SEC31A: variants seen among roughly 807,000 people sequenced by gnomAD.
SEC31A encodes the protein SEC31 homolog A, COPII component, also known as protein transport protein Sec31A.
In SEC31A, 70 loss-of-function variants were observed where a neutral mutation model predicts 151.0. That is an observed-to-expected ratio of 0.46 (90% CI 0.38 to 0.57). The LOEUF is 0.57. Among genes scored for constraint, SEC31A ranks in the 20% least tolerant of loss-of-function variants. SEC31A has a pLI of 0.00. For missense variants in SEC31A, 1,330 were observed against 1,471.2 expected, an observed-to-expected ratio of 0.90 and a Z score of 1.57; for synonymous variants, 475 against 505.9, an observed-to-expected ratio of 0.94 and a Z score of 0.82.
At chr4:82,882,086 TC>T in intron 1 of SEC31A, 146 bp from the exon 2 acceptor site, 1 of 679,530 alleles carries the variant, frequency 1.5e-6, no homozygotes, top group South Asian at 1.8e-5. Context: ...GGTTTAGGTG[TC>T]ATTTGTTGGA....
intron 13 of SEC31A, 103 bp downstream of exon 13, chr4:82,862,431 T>TA (rs1434080921): frequency 6.5e-6 from 5 of 767,102 alleles, no homozygotes; most frequent in Non-Finnish European, 1.1e-5. Context: ...CATTTATTTT[T>TA]ATACCATAAA....
intron 8 of SEC31A, among the ~76,000 whole-genome samples, chr4:82,868,420 G>A (rs1735872153): frequency 6.6e-6 from 1 of 151,910 alleles, no homozygotes; most frequent in Non-Finnish European, 1.5e-5. Flanking sequence ...AGGACTGATG[G>A]AGCCCAAGAG....
chr4:82,833,983 T>C (rs913036361), intron 22 of SEC31A, among the ~76,000 whole-genome samples: 1 of 152,232 alleles, frequency 6.6e-6, no homozygotes, highest in Non-Finnish European at 1.5e-5. Context: ...ATGTTTTTCA[T>C]ACAAGATATA....
intron 22 of SEC31A, among the ~76,000 whole-genome samples, chr4:82,840,486 G>A (rs1309000936): frequency 6.6e-6 from 1 of 152,210 alleles, no homozygotes; most frequent in Non-Finnish European, 1.5e-5. Context: ...TCTTATTTGT[G>A]TAGTTAAGGA....
intron 14 of SEC31A, 154 bp from the exon 15 acceptor site, chr4:82,857,918 C>G: frequency 1.9e-6 from 1 of 527,748 alleles, no homozygotes; most frequent in East Asian, 3.3e-5. Flanking sequence ...CAACTAAGAT[C>G]TATGCCTTCC....
At chr4:82,897,923 C>T (rs756852500) in intron 3 of SEC31A, 1 of 152,186 alleles carries the variant, frequency 6.6e-6, no homozygotes, top group Admixed American at 6.5e-5. Context: ...GGACAATCCT[C>T]CATTTCCAAC....
chr4:82,829,240 T>C, intron 22 of SEC31A, 182 bp from the exon 23 acceptor site: 1 of 556,232 alleles, frequency 1.8e-6, no homozygotes, highest in South Asian at 2.5e-5. Context: ...CATCTCTTAA[T>C]AGGAACAAGG....
intron 3 of SEC31A, among the ~76,000 whole-genome samples, chr4:82,880,136 T>G (rs1317358479): frequency 6.6e-6 from 1 of 151,228 alleles, no homozygotes; most frequent in Non-Finnish European, 1.5e-5. Context: ...TGAGCCGAGA[T>G]TGCGCCATTG....
chr4:82,861,194 A>G (rs996683590), intron 14 of SEC31A, among the ~76,000 whole-genome samples: 6 of 152,206 alleles, frequency 3.9e-5, no homozygotes, highest in Non-Finnish European at 7.4e-5. Context: ...AATCATGACA[A>G]TAAGTTTAGT....
intron 22 of SEC31A, among the ~76,000 whole-genome samples, chr4:82,836,359 T>A (rs1264110814): frequency 3.5e-5 from 4 of 113,806 alleles, no homozygotes. Context: ...GGCAACAGAG[T>A]GAGACTCCAT....
chr4:82,847,792 T>C (rs892526026), intron 20 of SEC31A, among the ~76,000 whole-genome samples: 2 of 152,148 alleles, frequency 1.3e-5, no homozygotes, highest in Non-Finnish European at 2.9e-5. Flanking sequence ...GCCAGAGCAA[T>C]GCCAGGCACT....
Position 82,818,985 on chromosome 4 carries a change from A to C in SEC31A, c.*89T>G. On this transcript the variant is annotated 3_prime_UTR_variant, in exon 27 of 27. Transcript: ENST00000395310. ...TGACTGGTTGCTATGCAAACATGCT[A>C]ATGAGGACTAGTCCATGTCTTATAA... The C allele has an allele frequency of 2.0e-6, 2 of 1,017,874 alleles. No homozygotes were observed. Among genetic ancestry groups the C allele is most frequent in the Non-Finnish European group, 2.8e-6 (2 of 709,424 alleles). 63.1% of individuals were successfully genotyped at this position (1,017,874 alleles called of 1,614,324 possible).
At chr4:82,881,171 G>T (rs1739208504) in intron 2 of SEC31A, among the ~76,000 whole-genome samples, 1 of 152,056 alleles carries the variant, frequency 6.6e-6, no homozygotes, top group Admixed American at 6.6e-5. Flanking sequence ...TGTAAAAATG[G>T]TCCCGTGATG....
intron 22 of SEC31A, among the ~76,000 whole-genome samples, chr4:82,838,126 G>C (rs1010809988): frequency 6.6e-6 from 1 of 152,098 alleles, no homozygotes; most frequent in Non-Finnish European, 1.5e-5. Flanking sequence ...AGTAAGGAAG[G>C]ATATCATGCT....
chr4:82,847,282 T>C (rs963748182), intron 20 of SEC31A, among the ~76,000 whole-genome samples: 1 of 152,154 alleles, frequency 6.6e-6, no homozygotes, highest in Non-Finnish European at 1.5e-5. Context: ...CTCACCCCCT[T>C]GCCTCTGCCT....
chr4:82,827,661 A>AC, intron 23 of SEC31A, 29 bp from the exon 24 acceptor site: 2 of 1,602,724 alleles, frequency 1.2e-6, no homozygotes, highest in Non-Finnish European at 1.7e-6. Context: ...AAAAGACACC[A>AC]GGAGTAAGAA....
At chr4:82,855,917 C>T (rs940262969) in intron 16 of SEC31A, among the ~76,000 whole-genome samples, 6 of 152,118 alleles carry the variant, frequency 3.9e-5, no homozygotes, top group Admixed American at 3.9e-4. Flanking sequence ...TTAGATATAA[C>T]AAACCTGCAC....
intron 6 of SEC31A, 83 bp downstream of exon 6, chr4:82,874,528 T>C: frequency 7.5e-7 from 1 of 1,330,254 alleles, no homozygotes; most frequent in Non-Finnish European, 1.0e-6. Flanking sequence ...AGAAATTTGA[T>C]TTGTTGTCAA....
At chr4:82,827,971 A>G (rs1357934711) in intron 23 of SEC31A, among the ~76,000 whole-genome samples, 2 of 151,898 alleles carry the variant, frequency 1.3e-5, no homozygotes, top group Admixed American at 6.6e-5. Context: ...CTGAAGTGCA[A>G]TAGCGCAATC....
Sources: gnomAD v4.1 joint callset for allele counts (sites outside exome capture counted in the v4.1 genomes callset) on GRCh38, gnomAD v4.1.1 for gene constraint, MANE v1.5 for transcripts, NCBI Gene and HGNC (gene_info 2026-07-23, HGNC 2026-07-21) for gene names.